The following NUDT5 variants were observed in gnomAD, a reference collection of about 807,000 sequenced individuals.
NUDT5 encodes nudix hydrolase 5.
In NUDT5, 21 loss-of-function variants were observed where a neutral mutation model predicts 34.1. The observed-to-expected ratio is 0.62, with a 90% CI of 0.44 to 0.89. The LOEUF is 0.89. Ranked by LOEUF, NUDT5 falls within the 40% of genes least tolerant of loss-of-function variation. The probability of loss-of-function intolerance (pLI) is 0.00; values close to 1 mark genes in which losing one functional copy is unlikely to be tolerated. For missense variants in NUDT5, 249 were observed against 274.8 expected, an observed-to-expected ratio of 0.91 and a Z score of 0.66; for synonymous variants, 85 against 97.6, an observed-to-expected ratio of 0.87 and a Z score of 0.76.
rs551862274 is a variant in NUDT5 at position 12,187,178 on chromosome 10, G to A, written c.-41-846C>T. ...CTCCTGAGTAGCTGGGATTACAGGT[G>A]CATGCTACCACAGCCAACTAATGTT... is the stretch of plus-strand genomic sequence containing the variant. On this transcript the variant is annotated intron_variant, in intron 1 of 9. Coordinates refer to ENST00000491614, the MANE Select transcript of NUDT5 (RefSeq NM_014142.4). The surrounding 1 kb of genome is among the most constrained non-coding windows in gnomAD (Gnocchi z 5.4). Among the ~76,000 whole-genome samples the A allele has an allele frequency of 1.3e-5, 2 of 152,278 alleles. No individual in the cohort carries two copies. Among genetic ancestry groups the A allele is most frequent in the East Asian group, 3.9e-4 (2 of 5,172 alleles).
rs1835065008 is a variant in NUDT5, at chr10:12,182,816, A to T, written c.131+2073T>A. Among the ~76,000 whole-genome samples, 1 of 152,278 alleles carries T rather than the reference A, an allele frequency of 6.6e-6. No individual in the cohort carries two copies. The highest frequency in any genetic ancestry group is 6.5e-5 in the Admixed American group (1 of 15,300). ...CAGTGGTGCAGTCTCGGCTCACTGC[A>T]ACCACCTCCTCCCGGGCTCAAGCAA... On this transcript the variant is annotated intron_variant, in intron 3 of 9. Transcript: ENST00000491614. This position sits in a 1 kb window ranked among gnomAD's most constrained non-coding sequence, Gnocchi z 4.3.
intron 5 of NUDT5, among the ~76,000 whole-genome samples, chr10:12,174,708 C>T (rs1834921969): frequency 6.6e-6 from 1 of 152,256 alleles, no homozygotes; most frequent in African/African-American, 2.4e-5. Flanking sequence ...CTCCACGCTG[C>T]TCTGCACAGC....
chr10:12,189,260 T>C lies in NUDT5; in HGVS notation c.-41-2928A>G, dbSNP rs377397979. On this transcript the variant is annotated intron_variant, in intron 1 of 9. Transcript: ENST00000491614. ...ACCTGGGATTACAGGCTCCTACCAC[T>C]GCACCCGGCTAATTTTTACATTTTT... is the stretch of plus-strand genomic sequence containing the variant. Among the ~76,000 whole-genome samples, 320 of 152,094 alleles carry C rather than the reference T, an allele frequency of 2.1e-3. 3 individuals are homozygous for C. Among genetic ancestry groups the C allele is most frequent in the African/African-American group, 7.4e-3 (306 of 41,470 alleles).
In NUDT5 at chr10:12,166,604, C is replaced by T. The variant is rs1453390826; in HGVS notation, c.*1098G>A. ...GCACTCTGATTTTATCTGGAGAGCC[C>T]TTTCATATGGTTCTCAGGGCCTGGC... On this transcript the variant is annotated 3_prime_UTR_variant, in exon 10 of 10. Transcript: ENST00000491614. The T allele has an allele frequency of 2.6e-6, 1 of 377,970 alleles. No individual in the cohort carries two copies. The highest frequency in any genetic ancestry group is 5.4e-6 in the Non-Finnish European group (1 of 184,802). The allele number at this position is 377,970 out of a possible 1,614,324, so 23.4% of individuals were successfully genotyped here. A position where few individuals can be genotyped will look rare whatever the true frequency, so the allele number is the denominator to read the frequency against.
At chr10:12,184,465 A>G in intron 3 of NUDT5, 1 of 1,544,476 alleles carries the variant, frequency 6.5e-7, no homozygotes, top group Non-Finnish European at 8.8e-7. Context: ...TTTTTTCCCA[A>G]TTTGCATTTC....
intron 7 of NUDT5, 36 bp downstream of exon 7, chr10:12,172,729 A>G (rs1381294147): frequency 6.9e-7 from 1 of 1,453,544 alleles, no homozygotes; most frequent in Non-Finnish European, 9.7e-7. Flanking sequence ...ACGTAATGCA[A>G]CCACACCACC....
Position 12,186,243 on chromosome 10 carries a change from T to C in NUDT5, c.49A>G (p.Ile17Val), listed in dbSNP as rs185121763. ...TESSQNGKQY[I>V]ISEELISEGK... is the part of the protein sequence containing the mutation. ...ACAAGTTATACCTCCTCTGAAATGA[T>C]ATACTGTTTGCCATTCTGAGAAGAT... is the stretch of plus-strand genomic sequence containing the variant. The change falls in exon 2 of 10, where the codon ATC becomes GTC. Residue 17 changes from isoleucine to valine, a missense_variant. Transcript: ENST00000491614. 3.7e-6 allele frequency: 6 copies of C among 1,613,412 alleles called. 1 individual carries two copies. In the East Asian group the frequency reaches 1.1e-4, roughly 30 times the overall value.
At chr10:12,178,041 C>T (rs947893545) in intron 4 of NUDT5, 141 bp from the exon 5 acceptor site, 5 of 583,182 alleles carry the variant, frequency 8.6e-6, no homozygotes, top group African/African-American at 1.9e-5. Context: ...ATATTGGAAG[C>T]TATTTTAAAA....
intron 2 of NUDT5, among the ~76,000 whole-genome samples, chr10:12,185,281 T>A (rs895846350): frequency 1.4e-4 from 21 of 152,216 alleles, no homozygotes; most frequent in Non-Finnish European, 2.9e-5. Context: ...GGTGAGGGTG[T>A]CCTGGGACGC....
Position 12,170,615 on chromosome 10 carries a change from T to C in NUDT5, c.550+102A>G. ...GTTGCTAGGCATTTGACTTTAGTGA[T>C]ACAAAAAAGATAAAGAAATGGAGTT... On this transcript the variant is annotated intron_variant, in intron 9 of 9. Transcript: ENST00000491614. This position sits in a 1 kb window ranked among gnomAD's most constrained non-coding sequence, Gnocchi z 4.9. The C allele has an allele frequency of 8.9e-7, 1 of 1,121,440 alleles. No homozygotes were observed. Among genetic ancestry groups the C allele is most frequent in the Non-Finnish European group, 1.4e-6 (1 of 738,686 alleles). The allele number at this position is 1,121,440 out of a possible 1,614,324, so 69.5% of individuals were successfully genotyped here. A position where few individuals can be genotyped will look rare whatever the true frequency, so the allele number is the denominator to read the frequency against.
intron 1 of NUDT5, 59 bp from the exon 2 acceptor site, chr10:12,186,391 C>T (rs1835129318): frequency 1.1e-5 from 10 of 936,256 alleles, no homozygotes; most frequent in Non-Finnish European, 1.7e-5. Flanking sequence ...AACATTCGTC[C>T]ACAGGACACT....
intron 2 of NUDT5, 136 bp downstream of exon 2, chr10:12,186,093 C>A: frequency 1.4e-6 from 1 of 704,132 alleles, no homozygotes; most frequent in East Asian, 2.7e-5. Flanking sequence ...GTGCCCGAGC[C>A]CAAAAAAGGG....
chr10:12,178,406 CA>C (rs2131706925), intron 4 of NUDT5, among the ~76,000 whole-genome samples: 1 of 144,050 alleles, frequency 6.9e-6, no homozygotes, highest in Admixed American at 6.8e-5. Flanking sequence ...CTAAGAAAAA[CA>C]AAAACGACTG....
chr10:12,167,534 C>A lies in NUDT5; in HGVS notation c.*168G>T. 1.7e-6 allele frequency: 1 copy of A among 600,354 alleles called. No homozygotes were observed. Among genetic ancestry groups the A allele is most frequent in the South Asian group, 2.2e-5 (1 of 45,474 alleles). The allele number at this position is 600,354 out of a possible 1,614,324, so 37.2% of individuals were successfully genotyped here. A position where few individuals can be genotyped will look rare whatever the true frequency, so the allele number is the denominator to read the frequency against. ...AGTTATAACAAATTTAAAGGAAGGT[C>A]ACAACCTACCTGTAATTACAATTCC... On this transcript the variant is annotated 3_prime_UTR_variant, in exon 10 of 10. Transcript: ENST00000491614.
Position 12,170,907 on chromosome 10 carries a change from C to A in NUDT5, c.489G>T (p.Gly163=). 6.2e-7 allele frequency: 1 copy of A among 1,613,646 alleles called. No homozygotes were observed. Among genetic ancestry groups the A allele is most frequent in the South Asian group, 1.1e-5 (1 of 90,978 alleles). Residue 163 remains glycine (G), a splice_region_variant and synonymous_variant, in exon 8 of 10, where the codon GGG becomes GGT. Coordinates refer to ENST00000491614, the MANE Select transcript of NUDT5 (RefSeq NM_014142.4). This position sits in a 1 kb window ranked among gnomAD's most constrained non-coding sequence, Gnocchi z 4.9. ...AENARPKPKP[G]DGEFVEVISL... Reference sequence around the variant, plus strand: ...AGGAGTTGCAGAACATACCTCCATCCCCTGGAAATAAACAGAAGGAAAACA... The same window carrying A: ...AGGAGTTGCAGAACATACCTCCATCACCTGGAAATAAACAGAAGGAAAACA...
chr10:12,171,687 TTTTATTTATTTATTTATTTATTTA>T lies in NUDT5; in HGVS notation c.488-803_488-780del, dbSNP rs200279977. ...TGTGCAGTTCAAAAATTAAGATTTA[TTTTATTTATTTATTTATTTATTTA>T]TTTATTTATTTATTTATTTATTTAT... On this transcript the variant is annotated intron_variant, in intron 7 of 9. Transcript: ENST00000491614. The surrounding 1 kb of genome is among the most constrained non-coding windows in gnomAD (Gnocchi z 4.2). 2.1e-5 allele frequency among the ~76,000 whole-genome samples: 3 copies of T among 139,984 alleles called. No individual in the cohort carries two copies. Among genetic ancestry groups the T allele is most frequent in the East Asian group, 2.0e-4 (1 of 4,912 alleles). 91.8% of individuals were successfully genotyped at this position (139,984 alleles called of 152,430 possible).
chr10:12,192,403 G>T (rs930229481), intron 1 of NUDT5, among the ~76,000 whole-genome samples: 5 of 152,008 alleles, frequency 3.3e-5, no homozygotes, highest in Non-Finnish European at 5.9e-5. Flanking sequence ...TTAAAGTCAG[G>T]CATCAAATTG....
At chr10:12,191,940 C>T (rs2131720358) in intron 1 of NUDT5, among the ~76,000 whole-genome samples, 1 of 152,258 alleles carries the variant, frequency 6.6e-6, no homozygotes, top group South Asian at 2.1e-4. Context: ...GCTCATTACT[C>T]AATCACCGTA....
At chr10:12,183,204 G>A (rs138420696) in intron 3 of NUDT5, among the ~76,000 whole-genome samples, 166 of 152,210 alleles carry the variant, frequency 1.1e-3, no homozygotes, top group African/African-American at 4.0e-3. Flanking sequence ...CTAAGACTTG[G>A]GCCTTGCCAC....
Sources: allele counts gnomAD v4.1 joint callset (sites outside exome capture counted in the v4.1 genomes callset), GRCh38; gene constraint gnomAD v4.1.1; non-coding constraint Gnocchi (gnomAD v3.1); transcripts MANE v1.5; gene names NCBI Gene and HGNC (gene_info 2026-07-23, HGNC 2026-07-21).